Variants in NXN observed in about 807,000 individuals in gnomAD.
NXN encodes nucleoredoxin 1.
A neutral mutation model predicts 48.6 loss-of-function variants in NXN; 16 were observed. The ratio of observed to expected loss-of-function variants is 0.33; its 90% CI spans 0.22 to 0.50. The LOEUF (loss-of-function observed/expected upper bound fraction) is 0.50. Among genes scored for constraint, NXN ranks in the 20% least tolerant of loss-of-function variants. NXN has a pLI of 0.98. For missense variants in NXN, 492 were observed against 605.5 expected, an observed-to-expected ratio of 0.81 and a Z score of 1.97; for synonymous variants, 281 against 269.6, an observed-to-expected ratio of 1.04 and a Z score of -0.41.
intron 1 of NXN, among the ~76,000 whole-genome samples, chr17:931,525 G>A (rs959852612): frequency 2.0e-5 from 3 of 151,746 alleles, no homozygotes; most frequent in Admixed American, 2.0e-4. Flanking sequence ...TTCGCCATAA[G>A]CACATGTTAT....
chr17:974,137 C>T (rs1200198289), intron 1 of NXN, among the ~76,000 whole-genome samples: 3 of 151,616 alleles, frequency 2.0e-5, no homozygotes, highest in Non-Finnish European at 2.9e-5. Context: ...ATCACGAGGT[C>T]GGGAGATCGA....
intron 1 of NXN, among the ~76,000 whole-genome samples, chr17:851,948 T>C (rs1160043089): frequency 1.3e-5 from 2 of 152,172 alleles, no homozygotes; most frequent in East Asian, 3.9e-4. Flanking sequence ...AGCGAGACTT[T>C]CTCCTGATCT....
At chr17:852,003 C>T (rs531114792) in intron 1 of NXN, among the ~76,000 whole-genome samples, 8 of 152,328 alleles carry the variant, frequency 5.3e-5, no homozygotes, top group South Asian at 4.1e-4. Context: ...GGAAAAAGCA[C>T]GCTGTAGCTC....
intron 1 of NXN, among the ~76,000 whole-genome samples, chr17:831,960 T>C (rs908289061): frequency 1.8e-5 from 2 of 109,064 alleles, no homozygotes; most frequent in Non-Finnish European, 3.9e-5. Context: ...AAGGGATCAC[T>C]AGGATCTTAT....
chr17:877,632 C>T (rs998281091), intron 1 of NXN, among the ~76,000 whole-genome samples: 5 of 152,114 alleles, frequency 3.3e-5, no homozygotes, highest in South Asian at 2.1e-4. Context: ...AGGAAAAGCG[C>T]GATACTACTG....
chr17:885,821 C>T (rs1040008253), intron 1 of NXN, among the ~76,000 whole-genome samples: 187 of 150,656 alleles, frequency 1.2e-3, no homozygotes, highest in African/African-American at 4.3e-3. Flanking sequence ...GCTGGGACTA[C>T]AGGCGCCCGC....
chr17:893,392 C>A (rs2068444303), intron 1 of NXN, among the ~76,000 whole-genome samples: 1 of 152,244 alleles, frequency 6.6e-6, no homozygotes, highest in Non-Finnish European at 1.5e-5. Flanking sequence ...TAAAAGACAG[C>A]ACCTTGGTTG....
chr17:816,128 G>A lies in NXN; in HGVS notation c.820+3311C>T, dbSNP rs968189320. 2.6e-5 allele frequency among the ~76,000 whole-genome samples: 4 copies of A among 152,306 alleles called. No individual in the cohort carries two copies. The South Asian group carries it at 6.2e-4, about 24-fold the overall frequency. ...TACGTAGCTGACTAGCATCTCACCT[G>A]TAGCCCCTCCAAGGGCCTCTGGTTG... is the stretch of plus-strand genomic sequence containing the variant. On this transcript the variant is annotated intron_variant, in intron 5 of 7. Transcript: ENST00000336868.
At chr17:868,484 TTTTGTTTG>T (rs764002417) in intron 1 of NXN, among the ~76,000 whole-genome samples, 1 of 152,002 alleles carries the variant, frequency 6.6e-6, no homozygotes, top group Non-Finnish European at 1.5e-5. Context: ...TTTTTTGGTT[TTTTGTTTG>T]TTTGTTTGTT....
intron 1 of NXN, among the ~76,000 whole-genome samples, chr17:938,952 T>C (rs920405669): frequency 2.7e-5 from 4 of 149,818 alleles, no homozygotes; most frequent in African/African-American, 9.9e-5. Flanking sequence ...CACGGGACGC[T>C]GAGGCAGGAG....
At chr17:912,250 T>A (rs1260593287) in intron 1 of NXN, among the ~76,000 whole-genome samples, 1 of 152,134 alleles carries the variant, frequency 6.6e-6, no homozygotes, top group East Asian at 1.9e-4. Context: ...ATACTCTATT[T>A]TTTAATCCAC....
intron 1 of NXN, among the ~76,000 whole-genome samples, chr17:931,351 G>T (rs551958676): frequency 8.9e-4 from 135 of 151,364 alleles, no homozygotes; most frequent in African/African-American, 3.2e-3. Context: ...TACTGGAGAG[G>T]CTGAGGCAGA....
At chr17:962,604 C>T (rs2069250887) in intron 1 of NXN, among the ~76,000 whole-genome samples, 1 of 152,140 alleles carries the variant, frequency 6.6e-6, no homozygotes, top group Non-Finnish European at 1.5e-5. Flanking sequence ...TTATCTATTT[C>T]ATAACTTTGG....
chr17:933,110 C>T (rs1334604651), intron 1 of NXN, among the ~76,000 whole-genome samples: 6 of 152,246 alleles, frequency 3.9e-5, no homozygotes, highest in Admixed American at 1.3e-4. Flanking sequence ...GACCGAGAAA[C>T]GACACAACCA....
intron 1 of NXN, among the ~76,000 whole-genome samples, chr17:970,066 C>G (rs1383753771): frequency 6.6e-6 from 1 of 152,126 alleles, no homozygotes; most frequent in Non-Finnish European, 1.5e-5. Flanking sequence ...TGATGTAGTT[C>G]ATACAAAAAT....
chr17:892,562 C>T (rs574964844), intron 1 of NXN, among the ~76,000 whole-genome samples: 3 of 151,510 alleles, frequency 2.0e-5, no homozygotes, highest in African/African-American at 7.3e-5. Context: ...CACAAACGCA[C>T]CTGGCAAGTC....
At chr17:844,687 C>A (rs1283612224) in intron 1 of NXN, among the ~76,000 whole-genome samples, 1 of 151,950 alleles carries the variant, frequency 6.6e-6, no homozygotes, top group African/African-American at 2.4e-5. Context: ...CAGGTTCAAG[C>A]GATTCTCCTG....
intron 1 of NXN, among the ~76,000 whole-genome samples, chr17:897,389 T>C (rs1260949309): frequency 2.0e-5 from 3 of 152,198 alleles, no homozygotes; most frequent in African/African-American, 7.2e-5. Context: ...ATGGATCTCA[T>C]GATTAAGAGA....
At chr17:900,041 G>A (rs12939055) in intron 1 of NXN, among the ~76,000 whole-genome samples, 109,833 of 151,724 alleles carry the variant, frequency 0.72, 40,657 homozygotes, top group Middle Eastern at 0.87. Context: ...CGAGGCAGGC[G>A]GATCTCCTGA....
Sources: gnomAD v4.1 joint callset for allele counts (sites outside exome capture counted in the v4.1 genomes callset) on GRCh38, gnomAD v4.1.1 for gene constraint, MANE v1.5 for transcripts, NCBI Gene and HGNC (gene_info 2026-07-23, HGNC 2026-07-21) for gene names.